The following SAAL1 variants were observed in gnomAD, a reference collection of about 807,000 sequenced individuals.
The protein encoded by SAAL1 is protein SAAL1.
Under a neutral mutation model 59.8 loss-of-function variants are expected in SAAL1, and 42 were observed. The ratio of observed to expected loss-of-function variants is 0.70; its 90% CI spans 0.55 to 0.91. The LOEUF (loss-of-function observed/expected upper bound fraction) is 0.91, where lower values mean the gene tolerates loss of function less well. Among genes scored for constraint, SAAL1 ranks in the 40% least tolerant of loss-of-function variants. SAAL1 has a pLI of 0.00. For missense variants in SAAL1, 542 were observed against 561.1 expected (o/e 0.97, Z 0.34); for synonymous variants, 191 against 194.3 (o/e 0.98, Z 0.14).
chr11:18,101,341 C>A (rs1387211541), intron 2 of SAAL1, among the ~76,000 whole-genome samples: 2 of 152,178 alleles, frequency 1.3e-5, no homozygotes, highest in South Asian at 4.2e-4. Context: ...ATAATCCCCA[C>A]GTATCAAGGG....
chr11:18,095,004 C>T (rs955844885), intron 3 of SAAL1, among the ~76,000 whole-genome samples: 7 of 152,034 alleles, frequency 4.6e-5, no homozygotes, highest in African/African-American at 7.3e-5. Context: ...TCAAAAGTTC[C>T]CTAGGGTAAA....
At chr11:18,104,541 A>G (rs1244785507) in intron 1 of SAAL1, among the ~76,000 whole-genome samples, 1 of 152,048 alleles carries the variant, frequency 6.6e-6, no homozygotes. Context: ...GTGGACAAAG[A>G]GTTCTGGTAG....
intron 3 of SAAL1, 97 bp from the exon 4 acceptor site, chr11:18,092,421 G>T (rs1848531919): frequency 1.3e-6 from 1 of 776,586 alleles, no homozygotes; most frequent in African/African-American, 1.7e-5. Context: ...GCCAAGTTTT[G>T]GGGCAAGGCG....
rs757743630 is a variant in SAAL1 at position 18,103,287 on chromosome 11, A to T, written c.195T>A (p.Leu65=). ...SSDDEEQLTE[L]DEEMENEICR... is the part of the protein sequence containing the mutation. ...AAATTTCATTCTCCATTTCTTCATC[A>T]AGCTCCGTCAGCTGCTCCTCATCAT... is the stretch of plus-strand genomic sequence containing the variant. Residue 65 remains leucine, a synonymous_variant, in exon 2 of 12, where the codon CTT becomes CTA. Coordinates refer to ENST00000524803, the MANE Select transcript of SAAL1 (RefSeq NM_138421.3). 6.2e-7 allele frequency: 1 copy of T among 1,613,972 alleles called. No homozygotes were observed. The highest frequency in any genetic ancestry group is 1.7e-5 in the Admixed American group (1 of 60,018).
chr11:18,104,743 G>C (rs1185324528), intron 1 of SAAL1, among the ~76,000 whole-genome samples: 1 of 152,194 alleles, frequency 6.6e-6, no homozygotes, highest in East Asian at 1.9e-4. Context: ...ATGGTGAACA[G>C]TTCAGAGTTG....
chr11:18,096,935 T>C (rs1590289950), intron 2 of SAAL1, 81 bp from the exon 3 acceptor site: 4 of 772,764 alleles, frequency 5.2e-6, no homozygotes, highest in Middle Eastern at 2.5e-4. Flanking sequence ...TAAAATTCTA[T>C]ATTAAAATTA....
rs1490859538 is a variant in SAAL1, at chr11:18,090,209, A to G, written c.555T>C (p.Asp185=). 5 of 1,604,922 alleles carry G rather than the reference A, an allele frequency of 3.1e-6. No individual in the cohort carries two copies. The highest frequency in any genetic ancestry group is 4.2e-6 in the Non-Finnish European group (5 of 1,177,432). The change falls in exon 6 of 12, where the codon GAT becomes GAC. Residue 185 remains aspartate (D), a synonymous_variant. Transcript: ENST00000524803. ...AACTTGACATAATGAAGCAAATGCT[A>G]TCATAAATAGCTGGATGTTCCTGGA... ...ERIQEHPAIY[D]SICFIMSSST... is the part of the protein sequence containing the mutation.
chr11:18,100,320 A>G (rs1002490564), intron 2 of SAAL1, among the ~76,000 whole-genome samples: 3 of 152,222 alleles, frequency 2.0e-5, no homozygotes, highest in Non-Finnish European at 2.9e-5. Flanking sequence ...ACAAATCTCA[A>G]CACATTTAAA....
intron 9 of SAAL1, among the ~76,000 whole-genome samples, chr11:18,085,747 T>C (rs947124862): frequency 2.3e-4 from 35 of 152,244 alleles, no homozygotes; most frequent in African/African-American, 7.7e-4. Context: ...GAACAGAATA[T>C]ATAGGGGAAT....
chr11:18,086,949 T>A lies in SAAL1; in HGVS notation c.959A>T (p.Lys320Ile). ...DDPPIILQEQ[K>I]TVLASVFSVL... ...TGAAAAAACAGAGGCTAGCACTGTT[T>A]TCTGTTCTTGAAGAATGATGGGTGG... The change falls in exon 9 of 12, where the codon AAA (lysine) becomes ATA (isoleucine). Residue 320 changes from lysine (K) to isoleucine (I), a missense_variant. Physicochemically the swap from Lys to Ile is moderately radical, Grantham distance 102 (BLOSUM62 -3). Coordinates refer to ENST00000524803, the MANE Select transcript of SAAL1 (RefSeq NM_138421.3). The A allele has an allele frequency of 5.6e-6, 9 of 1,614,060 alleles. No homozygotes were observed. The highest frequency in any genetic ancestry group is 7.6e-6 in the Non-Finnish European group (9 of 1,179,924).
chr11:18,103,216 T>C lies in SAAL1; in HGVS notation c.249+17A>G. On this transcript the variant is annotated intron_variant, in intron 2 of 11. Transcript: ENST00000524803. ...CCTCACCCAACAGTCTTCAGAGTTT[T>C]GTTTCCAGCCTCATACCTCATCCAT... 1 of 1,531,686 alleles carries C rather than the reference T, an allele frequency of 6.5e-7. No individual in the cohort carries two copies. The allele number at this position is 1,531,686 out of a possible 1,614,324, so 94.9% of individuals were successfully genotyped here.
At chr11:18,081,089 C>T (rs1448772750) in intron 11 of SAAL1, among the ~76,000 whole-genome samples, 3 of 152,072 alleles carry the variant, frequency 2.0e-5, no homozygotes, top group Non-Finnish European at 4.4e-5. Flanking sequence ...GAACCTGTTA[C>T]CCAGGCAGTG....
At chr11:18,095,427 T>C (rs144307846) in intron 3 of SAAL1, among the ~76,000 whole-genome samples, 34 of 152,262 alleles carry the variant, frequency 2.2e-4, no homozygotes, top group Non-Finnish European at 4.6e-4. Context: ...TCTACTTAAA[T>C]AAGAATTCTA....
intron 2 of SAAL1, 39 bp from the exon 3 acceptor site, chr11:18,096,893 T>C (rs1156598646): frequency 9.5e-7 from 1 of 1,052,964 alleles, no homozygotes; most frequent in Non-Finnish European, 1.5e-6. Context: ...ATGTTGAATA[T>C]TCCTCCCTAA....
intron 2 of SAAL1, among the ~76,000 whole-genome samples, chr11:18,099,333 T>C (rs1382602251): frequency 1.3e-5 from 2 of 152,192 alleles, no homozygotes; most frequent in South Asian, 2.1e-4. Flanking sequence ...TATTCATTCA[T>C]TACTCCCCAA....
At chr11:18,084,367 C>T (rs546804223) in intron 9 of SAAL1, among the ~76,000 whole-genome samples, 14 of 152,268 alleles carry the variant, frequency 9.2e-5, no homozygotes, top group African/African-American at 3.1e-4. Flanking sequence ...CCAGCTCATG[C>T]GTAGGCAACT....
intron 7 of SAAL1, among the ~76,000 whole-genome samples, 169 bp downstream of exon 7, chr11:18,089,161 T>G (rs2134058209): frequency 6.6e-6 from 1 of 152,366 alleles, no homozygotes; most frequent in East Asian, 1.9e-4. Context: ...AACAGGAACT[T>G]TGTAACCACT....
intron 3 of SAAL1, among the ~76,000 whole-genome samples, chr11:18,095,586 T>C (rs921805236): frequency 4.6e-5 from 7 of 152,220 alleles, no homozygotes; most frequent in African/African-American, 1.4e-4. Context: ...CCTGAACACA[T>C]ATCTTCACCC....
chr11:18,089,351 A>G lies in SAAL1; in HGVS notation c.749T>C (p.Leu250Pro), dbSNP rs1848498720. Reference sequence around the variant, plus strand: ...CTACCGTACTTGTTTGGCAGCTTCAAGTATACAGGGCACAAGCCGAAACAC... The same window carrying G: ...CTACCGTACTTGTTTGGCAGCTTCAGGTATACAGGGCACAAGCCGAAACAC... Reference protein sequence around the residue: ...QPVFRLVPCILEAAKQVRSEN... With the variant: ...QPVFRLVPCIPEAAKQVRSEN... Residue 250 changes from leucine (L) to proline (P), a missense_variant, in exon 7 of 12, where the codon CTT becomes CCT. Leu to Pro is a moderately conservative substitution (Grantham distance 98). Coordinates refer to ENST00000524803, the MANE Select transcript of SAAL1 (RefSeq NM_138421.3). 1 of 1,561,500 alleles carries G rather than the reference A, an allele frequency of 6.4e-7. No homozygotes were observed.
Sources: gnomAD v4.1 joint callset for allele counts (sites outside exome capture counted in the v4.1 genomes callset) on GRCh38, gnomAD v4.1.1 for gene constraint, MANE v1.5 for transcripts, NCBI Gene and HGNC (gene_info 2026-07-23, HGNC 2026-07-21) for gene names.